DAW1: variants seen among roughly 807,000 people sequenced by gnomAD.
DAW1 encodes the protein dynein assembly factor with WD repeat domains 1.
A neutral mutation model predicts 56.5 loss-of-function variants in DAW1; 47 were observed. The ratio of observed to expected loss-of-function variants is 0.83; its 90% CI spans 0.66 to 1.06. The LOEUF is 1.06. DAW1 is among the 50% of genes least tolerant of loss of function. The probability of loss-of-function intolerance (pLI) is 0.00; values close to 1 mark genes in which losing one functional copy is unlikely to be tolerated. For synonymous variants in DAW1, 190 were observed against 179.0 expected (o/e 1.06, Z -0.49); for missense variants, 505 against 499.3 (o/e 1.01, Z -0.11).
intron 12 of DAW1, among the ~76,000 whole-genome samples, chr2:227,922,394 C>T (rs551758335): frequency 2.0e-5 from 3 of 152,156 alleles, no homozygotes; most frequent in South Asian, 4.2e-4. Context: ...TAGTTTAGAT[C>T]GTGGAAAGGG....
At chr2:227,873,895 G>A (rs1690813646) in intron 1 of DAW1, among the ~76,000 whole-genome samples, 1 of 152,248 alleles carries the variant, frequency 6.6e-6, no homozygotes, top group Admixed American at 6.5e-5. Context: ...TGGCCAGGCT[G>A]GTCTTGAATT....
intron 12 of DAW1, 43 bp downstream of exon 12, chr2:227,921,604 G>C (rs1419964073): frequency 1.3e-6 from 2 of 1,573,972 alleles, no homozygotes; most frequent in East Asian, 2.3e-5. Context: ...TTTCTTGATT[G>C]GCTGTTAGAG....
chr2:227,894,992 G>T (rs1691373257), intron 5 of DAW1, among the ~76,000 whole-genome samples: 1 of 152,184 alleles, frequency 6.6e-6, no homozygotes, highest in Non-Finnish European at 1.5e-5. Context: ...AAGAAAGCTG[G>T]TCTTTTCTAG....
In DAW1 at chr2:227,898,271, CAG is replaced by C; in HGVS notation, c.531_532del (p.Ala178ArgfsTer8). 6.5e-7 allele frequency: 1 copy of C among 1,531,158 alleles called. No individual in the cohort carries two copies. Among genetic ancestry groups the C allele is most frequent in the South Asian group, 1.4e-5 (1 of 74,034 alleles). 94.8% of individuals were successfully genotyped at this position (1,531,158 alleles called of 1,614,324 possible). A position where few individuals can be genotyped will look rare whatever the true frequency, so the allele number is the denominator to read the frequency against. On this transcript the variant is annotated frameshift_variant, in exon 6 of 13. Coordinates refer to ENST00000309931, the MANE Select transcript of DAW1 (RefSeq NM_178821.3). LOFTEE classifies it high-confidence loss of function. Reference sequence around the variant, plus strand: ...TGTTACCATACCTTCAGGGGTCATACAGCAGAAATAGTGAGTATATTTAACAA... The same window carrying C: ...TGTTACCATACCTTCAGGGGTCATACCAGAAATAGTGAGTATATTTAACAA...
intron 10 of DAW1, among the ~76,000 whole-genome samples, chr2:227,915,977 A>G (rs572012668): frequency 2.0e-5 from 3 of 152,270 alleles, no homozygotes; most frequent in South Asian, 2.1e-4. Flanking sequence ...ACATATGATT[A>G]TACATTATTT....
intron 10 of DAW1, among the ~76,000 whole-genome samples, chr2:227,911,261 T>TATATATAA (rs1265635874): frequency 1.7e-5 from 2 of 119,374 alleles, no homozygotes; most frequent in Non-Finnish European, 1.8e-5. Context: ...TATACACGTG[T>TATATATAA]ATATACACAT....
chr2:227,923,201 A>G (rs1379813406), intron 12 of DAW1, among the ~76,000 whole-genome samples: 1 of 152,194 alleles, frequency 6.6e-6, no homozygotes. Flanking sequence ...TTCTCTTGCC[A>G]TCGATGGAGC....
rs1342508296 is a variant in DAW1 at position 227,924,189 on chromosome 2, G to A, written c.*221G>A. 1.8e-6 allele frequency: 1 copy of A among 557,000 alleles called. No homozygotes were observed. The highest frequency in any genetic ancestry group is 2.9e-5 in the East Asian group (1 of 35,016). 34.5% of individuals were successfully genotyped at this position (557,000 alleles called of 1,614,324 possible). A position where few individuals can be genotyped will look rare whatever the true frequency, so the allele number is the denominator to read the frequency against. The stretch of plus-strand genomic sequence containing the variant: ...TGGCGATGGCAGGACACAGCATAAT[G>A]TTTGGCTAATGCCACCAGTTATTTC... On this transcript the variant is annotated 3_prime_UTR_variant, in exon 13 of 13. Transcript: ENST00000309931.
chr2:227,879,100 A>C (rs1211261623), intron 1 of DAW1, among the ~76,000 whole-genome samples: 1 of 152,098 alleles, frequency 6.6e-6, no homozygotes, highest in Admixed American at 6.6e-5. Flanking sequence ...TTACTTTTAT[A>C]AAATATTTAT....
intron 10 of DAW1, among the ~76,000 whole-genome samples, chr2:227,908,350 T>C (rs539905334): frequency 3.9e-5 from 6 of 152,332 alleles, no homozygotes; most frequent in Admixed American, 1.3e-4. Flanking sequence ...CTGACAAATA[T>C]GTATGATACT....
chr2:227,876,672 A>G (rs1690891343), intron 1 of DAW1, among the ~76,000 whole-genome samples: 1 of 152,174 alleles, frequency 6.6e-6, no homozygotes, highest in Admixed American at 6.5e-5. Context: ...TCTTGCTGCT[A>G]TCTACTGAAT....
At chr2:227,901,936 G>C (rs1167127441) in intron 6 of DAW1, among the ~76,000 whole-genome samples, 1 of 152,142 alleles carries the variant, frequency 6.6e-6, no homozygotes, top group African/African-American at 2.4e-5. Flanking sequence ...TCTTAGAATG[G>C]GCGGAAGGAT....
chr2:227,920,216 C>T (rs1231457855), intron 11 of DAW1, among the ~76,000 whole-genome samples: 3 of 152,274 alleles, frequency 2.0e-5, no homozygotes, highest in African/African-American at 7.2e-5. Flanking sequence ...TTTAAATGAA[C>T]ATATTACTTA....
intron 10 of DAW1, among the ~76,000 whole-genome samples, chr2:227,914,433 A>T (rs1010039971): frequency 1.3e-5 from 2 of 152,022 alleles, no homozygotes; most frequent in African/African-American, 4.8e-5. Context: ...GTAGTGATCT[A>T]TGTTACTTGT....
At chr2:227,900,874 A>T (rs188086349) in intron 6 of DAW1, among the ~76,000 whole-genome samples, 8 of 152,342 alleles carry the variant, frequency 5.3e-5, no homozygotes, top group African/African-American at 1.9e-4. Flanking sequence ...GCACACCTAT[A>T]GCCCATTCAA....
At chr2:227,908,083 C>T (rs548161856) in intron 10 of DAW1, among the ~76,000 whole-genome samples, 1 of 152,292 alleles carries the variant, frequency 6.6e-6, no homozygotes, top group African/African-American at 2.4e-5. Flanking sequence ...AGGTGTGCTT[C>T]AATCCTGTGA....
chr2:227,896,096 T>G (rs1273226429), intron 5 of DAW1, among the ~76,000 whole-genome samples: 2 of 152,206 alleles, frequency 1.3e-5, no homozygotes, highest in African/African-American at 4.8e-5. Flanking sequence ...GGCACCAACT[T>G]AAATTGGTAC....
chr2:227,890,872 T>TGG (rs879673222), intron 3 of DAW1, among the ~76,000 whole-genome samples: 10,371 of 152,268 alleles, frequency 0.068, 355 homozygotes, highest in Middle Eastern at 0.099. Flanking sequence ...TGTATATGCA[T>TGG]TCAATAAATA....
intron 11 of DAW1, among the ~76,000 whole-genome samples, chr2:227,920,481 T>C (rs192885587): frequency 3.3e-5 from 5 of 152,162 alleles, no homozygotes; most frequent in East Asian, 3.9e-4. Flanking sequence ...ACAGGTTCCT[T>C]TGATGGTCAC....
Sources: gnomAD v4.1 joint callset for allele counts (sites outside exome capture counted in the v4.1 genomes callset) on GRCh38, gnomAD v4.1.1 for gene constraint, MANE v1.5 for transcripts, NCBI Gene and HGNC (gene_info 2026-07-23, HGNC 2026-07-21) for gene names.